Variants in ROBO1 observed in about 807,000 individuals in gnomAD.
ROBO1 encodes roundabout guidance receptor 1, also known as roundabout homolog 1.
Under a neutral mutation model 195.9 loss-of-function variants are expected in ROBO1, and 149 were observed. That is an observed-to-expected ratio of 0.76 (90% confidence interval 0.67 to 0.87). The LOEUF is 0.87. Ranked by LOEUF, ROBO1 falls within the 40% of genes least tolerant of loss-of-function variation. The pLI is 0.00. For missense variants in ROBO1, 1,933 were observed against 2,068.3 expected, an observed-to-expected ratio of 0.93 and a Z score of 1.27; for synonymous variants, 816 against 733.2, an observed-to-expected ratio of 1.11 and a Z score of -1.82.
At chr3:78,676,576 T>C (rs368920337) in intron 10 of ROBO1, among the ~76,000 whole-genome samples, 11 of 151,802 alleles carry the variant, frequency 7.2e-5, no homozygotes, top group African/African-American at 2.4e-4. Flanking sequence ...AGGGTATCAG[T>C]GATGGAAGAT....
chr3:79,292,975 G>A (rs1357941214), intron 2 of ROBO1, among the ~76,000 whole-genome samples: 1 of 152,168 alleles, frequency 6.6e-6, no homozygotes, highest in East Asian at 1.9e-4. Context: ...TTGTACCTCT[G>A]GTAGAATTTG....
chr3:78,722,037 C>A (rs2082056704), intron 5 of ROBO1, among the ~76,000 whole-genome samples: 1 of 151,908 alleles, frequency 6.6e-6, no homozygotes, highest in Non-Finnish European at 1.5e-5. Flanking sequence ...TCAAAGACAG[C>A]TATAAAGGCC....
At chr3:79,118,789 C>G (rs894770266) in intron 3 of ROBO1, among the ~76,000 whole-genome samples, 1 of 150,004 alleles carries the variant, frequency 6.7e-6, no homozygotes, top group Non-Finnish European at 1.5e-5. Context: ...TGCTTGAACC[C>G]GGGAGGTGGA....
At chr3:79,462,309 A>G (rs1425630536) in intron 2 of ROBO1, among the ~76,000 whole-genome samples, 1 of 152,202 alleles carries the variant, frequency 6.6e-6, no homozygotes, top group Non-Finnish European at 1.5e-5. Context: ...TTTGTCATTA[A>G]ACATACGTGC....
chr3:79,655,658 A>G (rs1469289389), intron 1 of ROBO1, among the ~76,000 whole-genome samples: 1 of 152,142 alleles, frequency 6.6e-6, no homozygotes, highest in Admixed American at 6.6e-5. Flanking sequence ...ATTAATAAAT[A>G]AGAGAATAGC....
intron 2 of ROBO1, among the ~76,000 whole-genome samples, chr3:79,366,080 C>T (rs2035967458): frequency 1.3e-5 from 2 of 151,910 alleles, no homozygotes. Context: ...GTCAGGCAGA[C>T]CTGGAGTTCT....
intron 10 of ROBO1, among the ~76,000 whole-genome samples, chr3:78,673,597 T>C (rs1575897192): frequency 4.9e-5 from 3 of 61,320 alleles, no homozygotes; most frequent in East Asian, 1.0e-3. Context: ...TATATATATA[T>C]ATATATATAC....
At chr3:79,066,620 TAG>T (rs1339408648) in intron 3 of ROBO1, among the ~76,000 whole-genome samples, 2 of 151,888 alleles carry the variant, frequency 1.3e-5, no homozygotes, top group Non-Finnish European at 2.9e-5. Context: ...AACGATTCTA[TAG>T]AGTCTGATTT....
intron 4 of ROBO1, among the ~76,000 whole-genome samples, chr3:78,903,492 AG>A (rs1377367468): frequency 6.0e-5 from 9 of 148,970 alleles, no homozygotes; most frequent in Non-Finnish European, 7.4e-5. Context: ...TAAAAAAAAA[AG>A]TATAAAAAGA....
Position 78,755,926 on chromosome 3 carries a change from A to G in ROBO1, c.500-9026T>C, listed in dbSNP as rs9823409. ...GAGCTATTTGGATCTATATGCTACC[A>G]TATTTCAAATCTTATTTGCTAACTG... On this transcript the variant is annotated intron_variant, in intron 4 of 30. Coordinates refer to ENST00000464233, the MANE Select transcript of ROBO1 (RefSeq NM_002941.4). 3.7e-3 allele frequency among the ~76,000 whole-genome samples: 556 copies of G among 152,316 alleles called. 1 individual carries two copies. The highest frequency in any genetic ancestry group is 6.8e-3 in the Middle Eastern group (2 of 294).
chr3:79,511,426 C>A (rs1940699033), intron 2 of ROBO1, among the ~76,000 whole-genome samples: 1 of 152,142 alleles, frequency 6.6e-6, no homozygotes, highest in Non-Finnish European at 1.5e-5. Flanking sequence ...TTCTACTATT[C>A]TCGAAGGATA....
At chr3:79,133,857 T>A (rs2080342213) in intron 2 of ROBO1, among the ~76,000 whole-genome samples, 1 of 149,180 alleles carries the variant, frequency 6.7e-6, no homozygotes, top group South Asian at 2.2e-4. Context: ...TACAGATGGG[T>A]TTTCGGTGTA....
At chr3:78,969,247 G>A (rs1448631930) in intron 3 of ROBO1, among the ~76,000 whole-genome samples, 1 of 152,086 alleles carries the variant, frequency 6.6e-6, no homozygotes, top group African/African-American at 2.4e-5. Context: ...CAAGTCAAAT[G>A]GCTGCTAAAC....
chr3:79,558,122 G>T (rs1267412632), intron 2 of ROBO1, among the ~76,000 whole-genome samples: 1 of 152,052 alleles, frequency 6.6e-6, no homozygotes, highest in Admixed American at 6.6e-5. Flanking sequence ...ACAGGAGTTT[G>T]AACTGGGCAG....
intron 2 of ROBO1, among the ~76,000 whole-genome samples, chr3:79,179,851 T>A (rs1291714097): frequency 6.6e-6 from 1 of 152,208 alleles, no homozygotes; most frequent in Non-Finnish European, 1.5e-5. Context: ...GATCTTGAAT[T>A]GGAGTAAAGC....
intron 3 of ROBO1, among the ~76,000 whole-genome samples, chr3:79,032,471 A>G (rs2078313179): frequency 6.6e-6 from 1 of 152,022 alleles, no homozygotes; most frequent in East Asian, 1.9e-4. Flanking sequence ...GCTTAAAGTA[A>G]GTACCAGTAA....
At chr3:79,040,421 C>T (rs2078465408) in intron 3 of ROBO1, among the ~76,000 whole-genome samples, 2 of 152,078 alleles carry the variant, frequency 1.3e-5, no homozygotes, top group Admixed American at 6.6e-5. Flanking sequence ...ATGTAATATA[C>T]AAGAGCTTAT....
intron 30 of ROBO1, among the ~76,000 whole-genome samples, chr3:78,599,231 T>C (rs1559627486): frequency 1.3e-5 from 2 of 152,130 alleles, no homozygotes; most frequent in African/African-American, 2.4e-5. Context: ...AAGTCAACAT[T>C]ACAACTCTGC....
chr3:78,781,101 C>G (rs935004701), intron 4 of ROBO1, among the ~76,000 whole-genome samples: 1 of 152,114 alleles, frequency 6.6e-6, no homozygotes, highest in Non-Finnish European at 1.5e-5. Flanking sequence ...AGCAATATCA[C>G]TACTCTAAAA....
Sources: gnomAD v4.1 joint callset for allele counts (sites outside exome capture counted in the v4.1 genomes callset) on GRCh38, gnomAD v4.1.1 for gene constraint, MANE v1.5 for transcripts, NCBI Gene and HGNC (gene_info 2026-07-23, HGNC 2026-07-21) for gene names.